The following PRKN variants were observed in gnomAD, a reference collection of about 807,000 sequenced individuals.
PRKN encodes the protein E3 ubiquitin-protein ligase parkin.
Under a neutral mutation model 59.5 loss-of-function variants are expected in PRKN, and 56 were observed. The ratio of observed to expected loss-of-function variants is 0.94; its 90% confidence interval spans 0.76 to 1.18. PRKN has a LOEUF of 1.18. Ranked by LOEUF, PRKN falls within the 50% of genes most tolerant of loss-of-function variation. The pLI is 0.00. For synonymous variants in PRKN, 250 were observed against 222.1 expected, an observed-to-expected ratio of 1.13 and a Z score of -1.12; for missense variants, 657 against 596.4, an observed-to-expected ratio of 1.10 and a Z score of -1.06.
chr6:162,038,288 A>C (rs1288398959), intron 5 of PRKN, among the ~76,000 whole-genome samples: 1 of 152,202 alleles, frequency 6.6e-6, no homozygotes, highest in Non-Finnish European at 1.5e-5. Flanking sequence ...TGTAGGAATT[A>C]TGGCAAATTG....
rs574434710 is a variant in PRKN at position 161,440,555 on chromosome 6, G to T, written c.1084-53678C>A. 7.9e-4 allele frequency among the ~76,000 whole-genome samples: 121 copies of T among 152,336 alleles called. No homozygotes were observed. Among genetic ancestry groups the T allele is most frequent in the Admixed American group, 1.5e-3 (23 of 15,306 alleles). On this transcript the variant is annotated intron_variant, in intron 9 of 11. Coordinates refer to ENST00000366898, the MANE Select transcript of PRKN (RefSeq NM_004562.3). This position sits in a 1 kb window ranked among gnomAD's most constrained non-coding sequence, Gnocchi z 4.1. ...AAGACATGGTCGGCAGACACAGAGGGTTCCCTCACCAGGGGTCTGGGAGTT... is the reference window on the plus strand; with the variant it reads ...AAGACATGGTCGGCAGACACAGAGGTTTCCCTCACCAGGGGTCTGGGAGTT...
intron 1 of PRKN, among the ~76,000 whole-genome samples, chr6:162,533,522 C>T (rs1372399059): frequency 1.3e-5 from 2 of 151,974 alleles, no homozygotes; most frequent in East Asian, 1.9e-4. Flanking sequence ...AGTGAGACTC[C>T]GTCTCAAAAA....
intron 7 of PRKN, among the ~76,000 whole-genome samples, chr6:161,649,783 G>A (rs2064522): frequency 0.5 from 76,155 of 152,136 alleles, 21,994 homozygotes; most frequent in African/African-American, 0.81. Flanking sequence ...TTGACACTCC[G>A]CCACTGAGTG....
intron 2 of PRKN, among the ~76,000 whole-genome samples, chr6:162,367,256 T>C (rs946702530): frequency 1.3e-5 from 2 of 152,200 alleles, no homozygotes; most frequent in African/African-American, 4.8e-5. Flanking sequence ...CTGAGGCCTC[T>C]CCAGCCATGC....
At chr6:161,591,539 T>C (rs976488596) in intron 7 of PRKN, among the ~76,000 whole-genome samples, 7 of 152,226 alleles carry the variant, frequency 4.6e-5, no homozygotes, top group Non-Finnish European at 8.8e-5. Context: ...CTTTGCCTTG[T>C]TTTTTGTTTT....
At chr6:162,695,933 G>C (rs901437660) in intron 1 of PRKN, among the ~76,000 whole-genome samples, 2 of 152,046 alleles carry the variant, frequency 1.3e-5, no homozygotes, top group African/African-American at 4.8e-5. Context: ...ACTGATCTTG[G>C]GGCAGTTTTC....
intron 1 of PRKN, among the ~76,000 whole-genome samples, chr6:162,456,870 G>A (rs9458562): frequency 0.39 from 58,745 of 152,012 alleles, 13,064 homozygotes; most frequent in African/African-American, 0.6. Context: ...TCTCCACAAC[G>A]GACATCACCA....
intron 6 of PRKN, among the ~76,000 whole-genome samples, chr6:161,946,149 CAG>C (rs1779765766): frequency 6.6e-6 from 1 of 152,010 alleles, no homozygotes; most frequent in Non-Finnish European, 1.5e-5. Context: ...TTGTCTATCT[CAG>C]AGACAGCAGA....
At chr6:162,376,377 A>G (rs888687114) in intron 2 of PRKN, among the ~76,000 whole-genome samples, 33 of 152,122 alleles carry the variant, frequency 2.2e-4, no homozygotes, top group Admixed American at 5.2e-4. Flanking sequence ...ACATATCCAC[A>G]TGGATCCTTA....
At chr6:161,808,677 G>A (rs1265671402) in intron 6 of PRKN, among the ~76,000 whole-genome samples, 1 of 151,434 alleles carries the variant, frequency 6.6e-6, no homozygotes, top group Admixed American at 6.6e-5. Flanking sequence ...ATGAGTCTAA[G>A]AAACAACAAA....
chr6:162,705,622 C>T (rs1778311210), intron 1 of PRKN, among the ~76,000 whole-genome samples: 1 of 152,130 alleles, frequency 6.6e-6, no homozygotes, highest in African/African-American at 2.4e-5. Context: ...CACAAGAAAA[C>T]TAGAAATTAA....
At chr6:161,602,023 C>T (rs928094097) in intron 7 of PRKN, among the ~76,000 whole-genome samples, 2 of 152,038 alleles carry the variant, frequency 1.3e-5, no homozygotes, top group African/African-American at 4.8e-5. Flanking sequence ...TAAAATAATT[C>T]GTATCACTTG....
At chr6:161,874,411 TAA>T (rs1183271422) in intron 6 of PRKN, among the ~76,000 whole-genome samples, 1 of 84,454 alleles carries the variant, frequency 1.2e-5, no homozygotes, top group African/African-American at 4.6e-5. Flanking sequence ...ATATTATATA[TAA>T]AATATATATT....
At chr6:162,701,839 A>G (rs1778163907) in intron 1 of PRKN, among the ~76,000 whole-genome samples, 1 of 139,722 alleles carries the variant, frequency 7.2e-6, no homozygotes, top group African/African-American at 2.8e-5. Flanking sequence ...ACATACACAC[A>G]CACACACACA....
chr6:162,275,710 G>A (rs1562633305), intron 2 of PRKN, among the ~76,000 whole-genome samples: 1 of 151,952 alleles, frequency 6.6e-6, no homozygotes, highest in Non-Finnish European at 1.5e-5. Flanking sequence ...GCTTGAACCT[G>A]GGAAGCAGAG....
chr6:161,845,466 A>G (rs1793163787), intron 6 of PRKN, among the ~76,000 whole-genome samples: 1 of 152,192 alleles, frequency 6.6e-6, no homozygotes, highest in Non-Finnish European at 1.5e-5. Flanking sequence ...TGACTCCAAG[A>G]ACAGTATTGG....
intron 1 of PRKN, among the ~76,000 whole-genome samples, chr6:162,655,346 T>C (rs868050846): frequency 1.3e-5 from 2 of 152,306 alleles, no homozygotes; most frequent in Middle Eastern, 3.4e-3. Flanking sequence ...CTTTCACAAG[T>C]AAACCGTAGG....
At chr6:162,591,718 C>T (rs1350791225) in intron 1 of PRKN, among the ~76,000 whole-genome samples, 1 of 151,976 alleles carries the variant, frequency 6.6e-6, no homozygotes, top group Admixed American at 6.6e-5. Flanking sequence ...TAAGCTAACT[C>T]AGCAGTAATT....
intron 1 of PRKN, among the ~76,000 whole-genome samples, chr6:162,452,828 A>ATGGGGACAGAGGGAAGTAGACAGC (rs1790689002): frequency 6.6e-6 from 1 of 152,166 alleles, no homozygotes; most frequent in Non-Finnish European, 1.5e-5. Flanking sequence ...GGGTCCAGCT[A>ATGGGGACAGAGGGAAGTAGACAGC]TACTCTGTCT....
Sources: allele counts gnomAD v4.1 joint callset (sites outside exome capture counted in the v4.1 genomes callset), GRCh38; gene constraint gnomAD v4.1.1; non-coding constraint Gnocchi (gnomAD v3.1); transcripts MANE v1.5; gene names NCBI Gene and HGNC (gene_info 2026-07-23, HGNC 2026-07-21).